SEMA6D: variants seen among roughly 807,000 people sequenced by gnomAD.
SEMA6D encodes the protein semaphorin 6D.
In SEMA6D, 35 loss-of-function variants were observed where a neutral mutation model predicts 106.6. The ratio of observed to expected loss-of-function variants is 0.33; its 90% CI spans 0.25 to 0.44. The LOEUF (loss-of-function observed/expected upper bound fraction) is 0.44. Ranked by LOEUF, SEMA6D falls within the 20% of genes least tolerant of loss-of-function variation. The pLI is 1.00. For synonymous variants in SEMA6D, 499 were observed against 487.7 expected (o/e 1.02, Z -0.31); for missense variants, 1,185 against 1,345.9 (o/e 0.88, Z 1.87).
chr15:47,726,659 T>A (rs1377957925), intron 1 of SEMA6D, among the ~76,000 whole-genome samples: 1 of 152,216 alleles, frequency 6.6e-6, no homozygotes, highest in Non-Finnish European at 1.5e-5. Context: ...AGGTGGATGA[T>A]GGTGGTAATA....
chr15:47,343,804 T>C (rs1330489001), intron 1 of SEMA6D, among the ~76,000 whole-genome samples: 1 of 152,134 alleles, frequency 6.6e-6, no homozygotes, highest in Non-Finnish European at 1.5e-5. Flanking sequence ...ATGGTATTTC[T>C]AGTTATATGG....
At chr15:47,471,287 T>TTAGTGATGTTTTCAG in intron 3 of SEMA6D, among the ~76,000 whole-genome samples, 1 of 152,180 alleles carries the variant, frequency 6.6e-6, no homozygotes, top group African/African-American at 2.4e-5. Context: ...TTGCTGACTC[T>TTAGTGATGTTTTCAG]TAGTGATGTT....
At chr15:47,253,003 C>T (rs2033607003) in intron 1 of SEMA6D, among the ~76,000 whole-genome samples, 1 of 152,032 alleles carries the variant, frequency 6.6e-6, no homozygotes, top group South Asian at 2.1e-4. Context: ...TATTAATCTA[C>T]ATTCCCACAC....
At chr15:47,604,841 C>T (rs58432815) in intron 4 of SEMA6D, among the ~76,000 whole-genome samples, 406 of 150,682 alleles carry the variant, frequency 2.7e-3, no homozygotes, top group African/African-American at 9.4e-3. Context: ...GGACTGTAGG[C>T]GCCCACCACC....
chr15:47,381,452 T>C (rs1405350391), intron 1 of SEMA6D, among the ~76,000 whole-genome samples: 2 of 152,272 alleles, frequency 1.3e-5, no homozygotes, highest in African/African-American at 4.8e-5. Context: ...TATAGCATAG[T>C]TCCTGAAACC....
At chr15:47,429,762 A>AT (rs1555438076) in intron 2 of SEMA6D, among the ~76,000 whole-genome samples, 2 of 151,990 alleles carry the variant, frequency 1.3e-5, no homozygotes, top group South Asian at 2.1e-4. Context: ...TAATATATAT[A>AT]TTTTTTAAAA....
At chr15:47,652,394 T>C (rs1330761946) in intron 4 of SEMA6D, among the ~76,000 whole-genome samples, 2 of 152,152 alleles carry the variant, frequency 1.3e-5, no homozygotes, top group African/African-American at 4.8e-5. Context: ...CTCAAGGACA[T>C]TATGAGATTA....
At chr15:47,655,419 C>T (rs2666554) in intron 4 of SEMA6D, among the ~76,000 whole-genome samples, 149,248 of 152,340 alleles carry the variant, frequency 0.98, 73,182 homozygotes, top group Middle Eastern at 1. Context: ...TCTCTCTGAA[C>T]AGAAAGTCAA....
At chr15:47,218,582 G>T (rs1369746442) in intron 1 of SEMA6D, among the ~76,000 whole-genome samples, 3 of 152,152 alleles carry the variant, frequency 2.0e-5, no homozygotes, top group Non-Finnish European at 4.4e-5. Context: ...CTACAACTCA[G>T]TCATGCTTTT....
chr15:47,634,203 A>G (rs750029650), intron 4 of SEMA6D, among the ~76,000 whole-genome samples: 4 of 152,146 alleles, frequency 2.6e-5, no homozygotes, highest in African/African-American at 9.7e-5. Context: ...CCAATAAAAC[A>G]CCAATAAAAA....
At chr15:47,436,222 T>C (rs1457568017) in intron 2 of SEMA6D, among the ~76,000 whole-genome samples, 1 of 151,952 alleles carries the variant, frequency 6.6e-6, no homozygotes, top group Non-Finnish European at 1.5e-5. Flanking sequence ...AAACTCCGTC[T>C]CTACTAAAAA....
chr15:47,682,657 G>T (rs2078382366), intron 4 of SEMA6D, among the ~76,000 whole-genome samples: 1 of 152,178 alleles, frequency 6.6e-6, no homozygotes, highest in African/African-American at 2.4e-5. Flanking sequence ...TTCCAGGATG[G>T]CTTTGCCATC....
At chr15:47,400,700 C>A (rs951483824) in intron 1 of SEMA6D, among the ~76,000 whole-genome samples, 2 of 152,084 alleles carry the variant, frequency 1.3e-5, no homozygotes, top group African/African-American at 4.8e-5. Context: ...ACCTACTCTT[C>A]GAAGGATACT....
chr15:47,363,367 C>G (rs937680518), intron 1 of SEMA6D, among the ~76,000 whole-genome samples: 1 of 152,062 alleles, frequency 6.6e-6, no homozygotes, highest in South Asian at 2.1e-4. Context: ...TTAGGTGTGG[C>G]GGGGTCTATG....
chr15:47,203,513 T>C (rs748092360), intron 1 of SEMA6D, among the ~76,000 whole-genome samples: 4 of 152,146 alleles, frequency 2.6e-5, no homozygotes, highest in Non-Finnish European at 5.9e-5. Flanking sequence ...TTAACCTTTG[T>C]TCCTGTGCCT....
intron 1 of SEMA6D, among the ~76,000 whole-genome samples, chr15:47,350,135 A>G (rs1266871588): frequency 1.1e-5 from 1 of 91,606 alleles, no homozygotes; most frequent in Non-Finnish European, 3.0e-5. Flanking sequence ...CTTAATCACA[A>G]ATCAAATTTC....
chr15:47,596,573 T>TA (rs1420364128), intron 3 of SEMA6D, among the ~76,000 whole-genome samples: 1 of 152,104 alleles, frequency 6.6e-6, no homozygotes, highest in African/African-American at 2.4e-5. Context: ...CATATTGGCA[T>TA]AAAAATAGAT....
chr15:47,270,048 A>G (rs2034489305), intron 1 of SEMA6D, among the ~76,000 whole-genome samples: 2 of 151,148 alleles, frequency 1.3e-5, no homozygotes, highest in South Asian at 4.1e-4. Context: ...CATAGTTTCT[A>G]GATTACGGAG....
chr15:47,449,952 G>A (rs947798097), intron 2 of SEMA6D, among the ~76,000 whole-genome samples: 7 of 152,070 alleles, frequency 4.6e-5, no homozygotes, highest in Admixed American at 3.9e-4. Context: ...CAGAGAATTA[G>A]GGAAACTCTC....
Sources: allele counts gnomAD v4.1 joint callset (sites outside exome capture counted in the v4.1 genomes callset), GRCh38; gene constraint gnomAD v4.1.1; transcripts MANE v1.5; gene names NCBI Gene and HGNC (gene_info 2026-07-23, HGNC 2026-07-21).